Variants in PPP1R9A observed in about 807,000 individuals in gnomAD.
PPP1R9A encodes neurabin-1.
In PPP1R9A, 59 loss-of-function variants were observed where a neutral mutation model predicts 141.9. That is an observed-to-expected ratio of 0.42 (90% CI 0.34 to 0.52). The LOEUF is 0.52. Among genes scored for constraint, PPP1R9A ranks in the 20% least tolerant of loss-of-function variants. PPP1R9A has a pLI of 0.10. For missense variants in PPP1R9A, 1,444 were observed against 1,611.9 expected (o/e 0.90, Z 1.78); for synonymous variants, 500 against 569.7 (o/e 0.88, Z 1.74).
intron 2 of PPP1R9A, among the ~76,000 whole-genome samples, chr7:95,109,808 G>C (rs1427779357): frequency 6.6e-6 from 1 of 151,214 alleles, no homozygotes; most frequent in Non-Finnish European, 1.5e-5. Context: ...CTGCACTCCA[G>C]CTTGGAGTGC....
At chr7:95,226,445 A>G (rs953465788) in intron 8 of PPP1R9A, among the ~76,000 whole-genome samples, 5 of 152,178 alleles carry the variant, frequency 3.3e-5, no homozygotes, top group Non-Finnish European at 7.3e-5. Context: ...CTCAAGGCAG[A>G]GACTTCCTAA....
intron 5 of PPP1R9A, among the ~76,000 whole-genome samples, chr7:95,167,355 G>A (rs1002801398): frequency 6.6e-6 from 1 of 152,148 alleles, no homozygotes; most frequent in African/African-American, 2.4e-5. Flanking sequence ...AACAATTGAA[G>A]ATGAGATTTG....
intron 4 of PPP1R9A, among the ~76,000 whole-genome samples, chr7:95,137,238 C>A (rs1280398170): frequency 1.4e-5 from 2 of 141,378 alleles, no homozygotes; most frequent in African/African-American, 5.3e-5. Flanking sequence ...TCCCCCCTCC[C>A]CCAACCCCAC....
chr7:95,103,362 C>CTTTTTTTTT lies in PPP1R9A; in HGVS notation c.1396-7887_1396-7879dup, dbSNP rs897838647. The stretch of plus-strand genomic sequence containing the variant: ...GAGTATGTTTGGTTTTTTTTCACTT[C>CTTTTTTTTT]TTTTTTTTTTTTTTTTTTGAGACAG... On this transcript the variant is annotated intron_variant, in intron 2 of 19. Coordinates refer to ENST00000433360, the MANE Select transcript of PPP1R9A (RefSeq NM_001166160.2). Among the ~76,000 whole-genome samples the CTTTTTTTTT allele has an allele frequency of 3.8e-3, 339 of 88,780 alleles. 36 individuals carry two copies. The highest frequency in any genetic ancestry group is 0.015 in the African/African-American group (323 of 21,328). The allele number at this position is 88,780 out of a possible 152,430, so 58.2% of individuals were successfully genotyped here.
chr7:95,198,548 T>TA, intron 6 of PPP1R9A, 64 bp downstream of exon 6: 2 of 1,461,926 alleles, frequency 1.4e-6, no homozygotes, highest in Non-Finnish European at 1.8e-6. Flanking sequence ...CTCTCTACTG[T>TA]ATAACAGTAT....
intron 5 of PPP1R9A, among the ~76,000 whole-genome samples, chr7:95,189,069 C>T (rs1835078450): frequency 6.6e-6 from 1 of 152,024 alleles, no homozygotes; most frequent in African/African-American, 2.4e-5. Context: ...ATACAGAGTT[C>T]TTGGTTTGTA....
intron 7 of PPP1R9A, among the ~76,000 whole-genome samples, chr7:95,206,797 A>T (rs1235908372): frequency 1.3e-5 from 2 of 152,212 alleles, no homozygotes; most frequent in East Asian, 3.8e-4. Flanking sequence ...AAATGTTATG[A>T]TGATACTGTA....
intron 2 of PPP1R9A, among the ~76,000 whole-genome samples, chr7:95,047,722 C>A (rs1398650660): frequency 6.6e-6 from 1 of 152,086 alleles, no homozygotes; most frequent in Non-Finnish European, 1.5e-5. Flanking sequence ...GAGAGTGATT[C>A]ATTGGGGACC....
chr7:95,158,906 G>A (rs1374306628), intron 4 of PPP1R9A, among the ~76,000 whole-genome samples: 3 of 152,126 alleles, frequency 2.0e-5, no homozygotes, highest in Non-Finnish European at 4.4e-5. Context: ...TCTTTTTACA[G>A]CTGTATGATT....
chr7:95,105,969 AAG>A (rs1819450334), intron 2 of PPP1R9A, among the ~76,000 whole-genome samples: 1 of 152,160 alleles, frequency 6.6e-6, no homozygotes, highest in Non-Finnish European at 1.5e-5. Context: ...ATGTTTATGA[AAG>A]AGAGTATGAG....
chr7:95,200,303 G>A (rs957050378), intron 6 of PPP1R9A, among the ~76,000 whole-genome samples: 40 of 148,366 alleles, frequency 2.7e-4, no homozygotes, highest in African/African-American at 9.7e-4. Context: ...GTCTTGCTCT[G>A]CCACCCAGGC....
intron 2 of PPP1R9A, among the ~76,000 whole-genome samples, chr7:94,983,420 C>G (rs992055141): frequency 5.3e-5 from 8 of 152,086 alleles, no homozygotes; most frequent in African/African-American, 1.7e-4. Context: ...TTACCTTGAG[C>G]AGTATGGCCA....
intron 2 of PPP1R9A, among the ~76,000 whole-genome samples, chr7:94,921,579 C>G (rs1248315122): frequency 3.3e-5 from 5 of 151,870 alleles, no homozygotes; most frequent in African/African-American, 1.2e-4. Context: ...TTGCACTTTT[C>G]ATTGTTAATT....
At chr7:95,023,540 G>A (rs759466593) in intron 2 of PPP1R9A, among the ~76,000 whole-genome samples, 13 of 151,418 alleles carry the variant, frequency 8.6e-5, no homozygotes, top group South Asian at 2.1e-4. Flanking sequence ...TTATTTGCCC[G>A]TTGCTTTTCT....
At chr7:95,120,524 C>G (rs1822373790) in intron 3 of PPP1R9A, among the ~76,000 whole-genome samples, 188 bp from the exon 4 acceptor site, 1 of 152,122 alleles carries the variant, frequency 6.6e-6, no homozygotes. Flanking sequence ...ATGCATGAGC[C>G]TTTTGGAGGA....
At chr7:95,100,815 T>C (rs1425840058) in intron 2 of PPP1R9A, among the ~76,000 whole-genome samples, 1 of 151,468 alleles carries the variant, frequency 6.6e-6, no homozygotes, top group African/African-American at 2.4e-5. Flanking sequence ...AGATTAATGC[T>C]TTTGACACAT....
chr7:95,243,945 A>C (rs1459542984), intron 8 of PPP1R9A, among the ~76,000 whole-genome samples: 2 of 152,152 alleles, frequency 1.3e-5, no homozygotes, highest in Non-Finnish European at 2.9e-5. Flanking sequence ...CACTAGACAC[A>C]GGTCCATACT....
chr7:95,011,267 T>G (rs566210164), intron 2 of PPP1R9A, among the ~76,000 whole-genome samples: 4 of 152,214 alleles, frequency 2.6e-5, no homozygotes, highest in Non-Finnish European at 4.4e-5. Context: ...ATTTTTAGAT[T>G]ATCTTACAGT....
At chr7:95,092,269 T>C (rs895268004) in intron 2 of PPP1R9A, among the ~76,000 whole-genome samples, 1 of 151,300 alleles carries the variant, frequency 6.6e-6, no homozygotes, top group African/African-American at 2.4e-5. Context: ...GAGAAAGGAG[T>C]GGAAAGAGAG....
Sources: gnomAD v4.1 joint callset for allele counts (sites outside exome capture counted in the v4.1 genomes callset) on GRCh38, gnomAD v4.1.1 for gene constraint, MANE v1.5 for transcripts, NCBI Gene and HGNC (gene_info 2026-07-23, HGNC 2026-07-21) for gene names.